Variants in GMDS observed in about 807,000 individuals in gnomAD.
GMDS encodes the protein GDP-mannose 4,6-dehydratase.
GMDS carries 20 observed loss-of-function variants against 49.9 expected under a neutral mutation model. The ratio of observed to expected loss-of-function variants is 0.40; its 90% CI spans 0.28 to 0.58. The LOEUF is 0.58. Among genes scored for constraint, GMDS ranks in the 20% least tolerant of loss-of-function variants. GMDS has a pLI of 0.42. For synonymous variants in GMDS, 177 were observed against 178.6 expected, an observed-to-expected ratio of 0.99 and a Z score of 0.07; for missense variants, 362 against 481.4, an observed-to-expected ratio of 0.75 and a Z score of 2.32.
chr6:1,839,188 T>C (rs933420439), intron 7 of GMDS, among the ~76,000 whole-genome samples: 1 of 152,142 alleles, frequency 6.6e-6, no homozygotes, highest in Non-Finnish European at 1.5e-5. Context: ...TTTGTTTTAG[T>C]GATTTGCTCC....
At chr6:1,853,931 G>T (rs1757828736) in intron 7 of GMDS, among the ~76,000 whole-genome samples, 2 of 151,952 alleles carry the variant, frequency 1.3e-5, no homozygotes, top group African/African-American at 4.8e-5. Flanking sequence ...CCCCTCCATG[G>T]TCCTTTAGCA....
At chr6:2,238,293 G>A (rs548268416) in intron 1 of GMDS, among the ~76,000 whole-genome samples, 1 of 151,826 alleles carries the variant, frequency 6.6e-6, no homozygotes, top group East Asian at 1.9e-4. Flanking sequence ...TGAAGCAGGA[G>A]GATCACCTGA....
intron 7 of GMDS, among the ~76,000 whole-genome samples, chr6:1,784,390 C>CAAAAAAAA (rs780517217): frequency 3.0e-4 from 12 of 40,480 alleles, no homozygotes; most frequent in African/African-American, 1.1e-3. Flanking sequence ...AGACTCGTCT[C>CAAAAAAAA]AAAAAAAAAA....
intron 9 of GMDS, among the ~76,000 whole-genome samples, chr6:1,654,491 A>G (rs562850076): frequency 1.3e-5 from 2 of 152,366 alleles, no homozygotes; most frequent in Admixed American, 1.3e-4. Flanking sequence ...ACTATGCTGT[A>G]AGTGAAATAA....
chr6:2,089,860 C>T (rs1047749111), intron 4 of GMDS, among the ~76,000 whole-genome samples: 1 of 152,192 alleles, frequency 6.6e-6, no homozygotes, highest in African/African-American at 2.4e-5. Flanking sequence ...TCCACTCCTG[C>T]TCTGCGTAGC....
chr6:1,959,485 T>C (rs868659786), intron 6 of GMDS, among the ~76,000 whole-genome samples: 9 of 152,190 alleles, frequency 5.9e-5, no homozygotes, highest in South Asian at 2.1e-4. Flanking sequence ...AAAAATAACA[T>C]AGATCCTACA....
chr6:1,664,629 T>C (rs987859123), intron 9 of GMDS, among the ~76,000 whole-genome samples: 2 of 152,172 alleles, frequency 1.3e-5, no homozygotes, highest in African/African-American at 4.8e-5. Context: ...TAGAGGTGAT[T>C]TACTGTGTCA....
intron 4 of GMDS, among the ~76,000 whole-genome samples, chr6:2,095,693 T>C (rs1259729362): frequency 6.6e-6 from 1 of 152,210 alleles, no homozygotes; most frequent in African/African-American, 2.4e-5. Context: ...ATTTTTAATC[T>C]CTCTTTAATA....
intron 9 of GMDS, among the ~76,000 whole-genome samples, chr6:1,643,152 G>A (rs1204165195): frequency 6.6e-6 from 1 of 152,156 alleles, no homozygotes; most frequent in African/African-American, 2.4e-5. Context: ...AGTGGAGCTT[G>A]GTGAGGTCCT....
chr6:1,883,590 C>T (rs889665316), intron 7 of GMDS, among the ~76,000 whole-genome samples: 10 of 152,078 alleles, frequency 6.6e-5, no homozygotes, highest in Non-Finnish European at 1.5e-4. Context: ...TACATGAGCT[C>T]ACTCTAAAAC....
chr6:2,222,137 A>G (rs564650911), intron 1 of GMDS, among the ~76,000 whole-genome samples: 1 of 152,376 alleles, frequency 6.6e-6, no homozygotes, highest in South Asian at 2.1e-4. Flanking sequence ...GACAGCTTTT[A>G]CACACTGTCA....
intron 4 of GMDS, among the ~76,000 whole-genome samples, chr6:2,014,032 C>A: frequency 1.4e-5 from 2 of 144,812 alleles, no homozygotes; most frequent in Non-Finnish European, 3.0e-5. Flanking sequence ...ACAAGCAAGC[C>A]AAAAGACAAC....
intron 6 of GMDS, among the ~76,000 whole-genome samples, chr6:1,944,559 A>G (rs946584201): frequency 1.2e-3 from 157 of 128,606 alleles, no homozygotes; most frequent in African/African-American, 2.1e-3. Flanking sequence ...AGTCCCAGCT[A>G]CTCGGGAGGC....
intron 7 of GMDS, among the ~76,000 whole-genome samples, chr6:1,765,586 T>C (rs1265831797): frequency 1.3e-5 from 2 of 152,166 alleles, no homozygotes; most frequent in Non-Finnish European, 2.9e-5. Flanking sequence ...ATTTTACAGA[T>C]GGAGAAACTG....
At chr6:1,995,613 T>C (rs1355737886) in intron 4 of GMDS, among the ~76,000 whole-genome samples, 1 of 152,168 alleles carries the variant, frequency 6.6e-6, no homozygotes, top group Non-Finnish European at 1.5e-5. Flanking sequence ...AAGCATTTAA[T>C]CTTCCACCAC....
chr6:2,165,714 C>T (rs1777631052), intron 1 of GMDS, among the ~76,000 whole-genome samples: 1 of 152,164 alleles, frequency 6.6e-6, no homozygotes, highest in Non-Finnish European at 1.5e-5. Context: ...ATAATGTCAG[C>T]TCATATAGCA....
chr6:1,934,843 G>A (rs944318598), intron 6 of GMDS, among the ~76,000 whole-genome samples: 14 of 152,144 alleles, frequency 9.2e-5, no homozygotes, highest in Admixed American at 3.3e-4. Context: ...CATGAGGGCT[G>A]AGACTATCCC....
intron 7 of GMDS, among the ~76,000 whole-genome samples, chr6:1,837,623 T>C (rs1581241104): frequency 6.6e-6 from 1 of 152,222 alleles, no homozygotes; most frequent in Non-Finnish European, 1.5e-5. Context: ...AGCCAAGCAA[T>C]GAAGACTCTC....
chr6:1,890,119 A>G (rs1220388166), intron 7 of GMDS, among the ~76,000 whole-genome samples: 1 of 151,980 alleles, frequency 6.6e-6, no homozygotes, highest in African/African-American at 2.4e-5. Context: ...TTTATCTTAA[A>G]TATGTGCCTT....
Sources: gnomAD v4.1 joint callset for allele counts (sites outside exome capture counted in the v4.1 genomes callset) on GRCh38, gnomAD v4.1.1 for gene constraint, MANE v1.5 for transcripts, NCBI Gene and HGNC (gene_info 2026-07-23, HGNC 2026-07-21) for gene names.